MYBPC2: variants seen among roughly 807,000 people sequenced by gnomAD.
MYBPC2 encodes the protein myosin-binding protein C, fast-type.
In MYBPC2, 122 loss-of-function variants were observed where a neutral mutation model predicts 137.0. The observed-to-expected ratio is 0.89, with a 90% CI of 0.77 to 1.03. MYBPC2 has a LOEUF of 1.03. Among genes scored for constraint, MYBPC2 ranks in the 50% least tolerant of loss-of-function variants. The pLI is 0.00. For missense variants in MYBPC2, 1,500 were observed against 1,534.4 expected, an observed-to-expected ratio of 0.98 and a Z score of 0.37; for synonymous variants, 626 against 612.3, an observed-to-expected ratio of 1.02 and a Z score of -0.33.
chr19:50,461,647 G>C lies in MYBPC2; in HGVS notation c.3037G>C (p.Gly1013Arg), dbSNP rs1233153479. 7 of 1,613,262 alleles carry C rather than the reference G, an allele frequency of 4.3e-6. No individual in the cohort carries two copies. The African/African-American group carries it at 6.7e-5, about 15-fold the overall frequency. ...YFRVYTENIC[G>R]LSDSPGVSKN... Reference sequence around the variant, plus strand: ...CCGAGTTTACACCGAGAACATCTGTGGGCTCAGTGACTCACCTGGTGTCTC... The same window carrying C: ...CCGAGTTTACACCGAGAACATCTGTCGGCTCAGTGACTCACCTGGTGTCTC... The change falls in exon 25 of 28, where the codon GGG (glycine) becomes CGG (arginine). Residue 1013 changes from glycine to arginine, a missense_variant. Transcript: ENST00000357701.
intron 4 of MYBPC2, 91 bp from the exon 5 acceptor site, chr19:50,436,526 C>G: frequency 1.7e-6 from 2 of 1,169,102 alleles, no homozygotes; most frequent in Non-Finnish European, 2.5e-6. Flanking sequence ...GGGGTGAGGA[C>G]GTGGAGATAG....
rs1601302253 is a variant in MYBPC2, at chr19:50,466,085, T to G, written c.3416-110T>G. 3 of 1,476,192 alleles carry G rather than the reference T, an allele frequency of 2.0e-6. No homozygotes were observed. Among genetic ancestry groups the G allele is most frequent in the Admixed American group, 1.9e-5 (1 of 53,596 alleles). The allele number at this position is 1,476,192 out of a possible 1,614,324, so 91.4% of individuals were successfully genotyped here. On this transcript the variant is annotated intron_variant, in intron 27 of 27. Coordinates refer to ENST00000357701, the MANE Select transcript of MYBPC2 (RefSeq NM_004533.4). This position sits in a 1 kb window ranked among gnomAD's most constrained non-coding sequence, Gnocchi z 4.9. ...AGTGGCCTAGGATGGGGCGGGATGGTGACCGTCATCCTGTCCCCCTGCTGG... is the reference window on the plus strand; with the variant it reads ...AGTGGCCTAGGATGGGGCGGGATGGGGACCGTCATCCTGTCCCCCTGCTGG...
In MYBPC2 at chr19:50,437,709, T is replaced by A; in HGVS notation, c.563T>A (p.Leu188Ter). The A allele has an allele frequency of 1.2e-6, 2 of 1,603,462 alleles. No homozygotes were observed. Among genetic ancestry groups the A allele is most frequent in the Non-Finnish European group, 1.7e-6 (2 of 1,174,936 alleles). The change falls in exon 7 of 28, where the codon TTG becomes TAG. Residue 188 changes from leucine to a stop codon, truncating the protein, a stop_gained. Coordinates refer to ENST00000357701, the MANE Select transcript of MYBPC2 (RefSeq NM_004533.4). LOFTEE classifies it high-confidence loss of function. ...GGTGAGCTGGATTTCAGTGGCCTGT[T>A]GAAGAAGAGGTGAGCCCCGGACTTG... The part of the protein sequence containing the change: ...TAGELDFSGL[L>*]KKREVVEEEK...
chr19:50,437,494 G>A lies in MYBPC2; in HGVS notation c.485G>A (p.Gly162Glu). ...CCAGCACCCCGTCAGGATGCCTCTG[G>A]GCAGAGTCTAGAAAGCTTCAAGCGT... is the stretch of plus-strand genomic sequence containing the variant. Reference protein sequence around the residue: ...DVEAPRQDASGQSLESFKRTS... With the variant: ...DVEAPRQDASEQSLESFKRTS... The change falls in exon 6 of 28, where the codon GGG (glycine) becomes GAG (glutamate). Residue 162 changes from glycine to glutamate, a missense_variant. Physicochemically the swap from Gly to Glu is moderately conservative, Grantham distance 98. Coordinates refer to ENST00000357701, the MANE Select transcript of MYBPC2 (RefSeq NM_004533.4). 1 of 1,611,070 alleles carries A rather than the reference G, an allele frequency of 6.2e-7. No individual in the cohort carries two copies. The highest frequency in any genetic ancestry group is 8.5e-7 in the Non-Finnish European group (1 of 1,178,750).
intron 16 of MYBPC2, among the ~76,000 whole-genome samples, chr19:50,452,544 C>CTATG (rs1269998684): frequency 1.4e-5 from 2 of 146,508 alleles, no homozygotes; most frequent in Non-Finnish European, 3.0e-5. Flanking sequence ...ATCTATGTAT[C>CTATG]TATCTATCTA....
chr19:50,433,870 G>A (rs2039679526), intron 1 of MYBPC2, among the ~76,000 whole-genome samples: 1 of 152,026 alleles, frequency 6.6e-6, no homozygotes. Flanking sequence ...GAGGCCAGGA[G>A]TTCAAGACCA....
At position 50,448,367 on chromosome 19, in the gene MYBPC2, G is replaced by C. The variant is rs371707780; in HGVS notation, c.1449G>C (p.Arg483Ser). 5.0e-6 allele frequency: 8 copies of C among 1,613,600 alleles called. No individual in the cohort carries two copies. The Admixed American group carries it at 1.2e-4, about 24-fold the overall frequency. ...GGGTCGAGGTGCGGCCCAGCAAGAG[G>C]ATCACCATTTCCCATGTAGGCAGGT... ...KNGVEVRPSK[R>S]ITISHVGRFH... is the part of the protein sequence containing the mutation. Residue 483 changes from arginine (R) to serine (S), a missense_variant, in exon 13 of 28, where the codon AGG becomes AGC. Transcript: ENST00000357701.
At chr19:50,445,796 C>T in intron 11 of MYBPC2, 84 bp from the exon 12 acceptor site, 6 of 1,375,758 alleles carry the variant, frequency 4.4e-6, no homozygotes, top group Non-Finnish European at 5.9e-6. Flanking sequence ...GATCCCTCTG[C>T]ATGGGCCCCC....
At chr19:50,459,349 G>GGATGGGCAGC in intron 23 of MYBPC2, 43 bp downstream of exon 23, 1 of 1,560,494 alleles carries the variant, frequency 6.4e-7, no homozygotes. Flanking sequence ...GGAGGGGCAG[G>GGATGGGCAGC]GATGGGCAGC....
chr19:50,451,770 TG>T, intron 15 of MYBPC2, 93 bp from the exon 16 acceptor site: 1 of 1,520,504 alleles, frequency 6.6e-7, no homozygotes, highest in Non-Finnish European at 8.9e-7. Context: ...TCTCTGTCAC[TG>T]TTGGAACCCA....
intron 4 of MYBPC2, 148 bp from the exon 5 acceptor site, chr19:50,436,469 C>T (rs2039704401): frequency 2.6e-6 from 2 of 769,806 alleles, no homozygotes; most frequent in Non-Finnish European, 4.2e-6. Context: ...AGCTGGCCAC[C>T]AGGTGCTGAG....
chr19:50,433,294 G>A (rs901120734), intron 1 of MYBPC2, among the ~76,000 whole-genome samples: 1 of 152,074 alleles, frequency 6.6e-6, no homozygotes, highest in Admixed American at 6.5e-5. Flanking sequence ...GATTGGGGGG[G>A]CATCTCTGGT....
intron 11 of MYBPC2, 52 bp downstream of exon 11, chr19:50,443,868 C>G (rs980139949): frequency 1.3e-6 from 2 of 1,535,448 alleles, no homozygotes; most frequent in Admixed American, 3.4e-5. Context: ...AGTTTCTTTG[C>G]CTCTGCCTTG....
At chr19:50,444,412 G>A (rs942545454) in intron 11 of MYBPC2, among the ~76,000 whole-genome samples, 4 of 151,696 alleles carry the variant, frequency 2.6e-5, no homozygotes, top group Non-Finnish European at 4.4e-5. Flanking sequence ...GCCATCCATC[G>A]ACCTATCAAT....
Position 50,455,775 on chromosome 19 carries a change from G to T in MYBPC2, c.2338+131G>T. On this transcript the variant is annotated intron_variant, in intron 20 of 27. Coordinates refer to ENST00000357701, the MANE Select transcript of MYBPC2 (RefSeq NM_004533.4). ...CCTGCTTGTGTTTTGTGTCTGTACTGTTATAAGTCTCTGGGATGGGACCCC... is the reference window on the plus strand; with the variant it reads ...CCTGCTTGTGTTTTGTGTCTGTACTTTTATAAGTCTCTGGGATGGGACCCC... 1.6e-5 allele frequency: 21 copies of T among 1,338,538 alleles called. No individual in the cohort carries two copies. The South Asian group carries it at 3.1e-4, about 20-fold the overall frequency. The allele number at this position is 1,338,538 out of a possible 1,614,324, so 82.9% of individuals were successfully genotyped here. A position where few individuals can be genotyped will look rare whatever the true frequency, so the allele number is the denominator to read the frequency against.
intron 16 of MYBPC2, 138 bp from the exon 17 acceptor site, chr19:50,453,882 G>A: frequency 2.1e-6 from 2 of 974,150 alleles, no homozygotes; most frequent in Non-Finnish European, 3.0e-6. Flanking sequence ...GGAGGGCGAG[G>A]AGGGCAGTGG....
chr19:50,456,532 G>A (rs1050781605), intron 20 of MYBPC2, among the ~76,000 whole-genome samples: 18 of 149,274 alleles, frequency 1.2e-4, no homozygotes, highest in Non-Finnish European at 2.1e-4. Context: ...CCAGGTTCAC[G>A]CCATTCTCCT....
rs777354241 is a variant in MYBPC2 at position 50,464,573 on chromosome 19, C to T, written c.3415+41C>T. The T allele has an allele frequency of 4.8e-5, 75 of 1,553,420 alleles. 1 individual carries two copies. Among genetic ancestry groups the T allele is most frequent in the South Asian group, 2.7e-4 (22 of 82,358 alleles). On this transcript the variant is annotated intron_variant, in intron 27 of 27. Transcript: ENST00000357701. Reference sequence around the variant, plus strand: ...TCCCCAACACTGGCTGACCCTTGCTCGGGCCCTGTGCCAGCCTGGCCGGTG... The same window carrying T: ...TCCCCAACACTGGCTGACCCTTGCTTGGGCCCTGTGCCAGCCTGGCCGGTG...
chr19:50,466,127 C>A lies in MYBPC2; in HGVS notation c.3416-68C>A. 6.2e-7 allele frequency: 1 copy of A among 1,607,994 alleles called. No individual in the cohort carries two copies. Among genetic ancestry groups the A allele is most frequent in the Non-Finnish European group, 8.5e-7 (1 of 1,177,560 alleles). On this transcript the variant is annotated intron_variant, in intron 27 of 27. Coordinates refer to ENST00000357701, the MANE Select transcript of MYBPC2 (RefSeq NM_004533.4). The surrounding 1 kb of genome is among the most constrained non-coding windows in gnomAD (Gnocchi z 4.9). The stretch of plus-strand genomic sequence containing the variant: ...CCCTGCTGGTCATGTGGATGCAGCT[C>A]CTCCTCCTGGGGCTTCAGGAGGAGG...
Sources: gnomAD v4.1 joint callset for allele counts (sites outside exome capture counted in the v4.1 genomes callset) on GRCh38, gnomAD v4.1.1 for gene constraint, Gnocchi (gnomAD v3.1) non-coding constraint, MANE v1.5 for transcripts, NCBI Gene and HGNC (gene_info 2026-07-23, HGNC 2026-07-21) for gene names.